NAALADL2: variants seen among roughly 807,000 people sequenced by gnomAD.
NAALADL2 encodes inactive N-acetylated-alpha-linked acidic dipeptidase-like protein 2.
NAALADL2 carries 76 observed loss-of-function variants against 87.2 expected under a neutral mutation model. That is an observed-to-expected ratio of 0.87 (90% CI 0.72 to 1.05). The LOEUF (loss-of-function observed/expected upper bound fraction) is 1.05. Ranked by LOEUF, NAALADL2 falls within the 50% of genes least tolerant of loss-of-function variation. NAALADL2 has a pLI of 0.00. For synonymous variants in NAALADL2, 354 were observed against 331.0 expected (o/e 1.07, Z -0.75); for missense variants, 1,089 against 945.8 (o/e 1.15, Z -1.99).
At chr3:175,482,648 T>C (rs1726656325) in intron 9 of NAALADL2, among the ~76,000 whole-genome samples, 1 of 151,948 alleles carries the variant, frequency 6.6e-6, no homozygotes, top group South Asian at 2.1e-4. Flanking sequence ...TCATTAAAAG[T>C]AGTTAATTCA....
intron 1 of NAALADL2, among the ~76,000 whole-genome samples, chr3:175,023,447 G>C (rs1391072207): frequency 6.6e-6 from 1 of 151,818 alleles, no homozygotes; most frequent in Non-Finnish European, 1.5e-5. Context: ...TTATTTTTTC[G>C]ATTGAGAAAC....
At chr3:175,449,168 C>A (rs550476850) in intron 6 of NAALADL2, among the ~76,000 whole-genome samples, 86 of 152,034 alleles carry the variant, frequency 5.7e-4, no homozygotes, top group Non-Finnish European at 1.0e-3. Context: ...AGCCTCAAAC[C>A]CCTGGGCTCA....
intron 2 of NAALADL2, among the ~76,000 whole-genome samples, chr3:174,734,095 G>A (rs1041548735): frequency 1.6e-4 from 25 of 152,056 alleles, no homozygotes; most frequent in African/African-American, 6.0e-4. Flanking sequence ...CGGTGTTGAG[G>A]GGGAGCAGAA....
intron 13 of NAALADL2, among the ~76,000 whole-genome samples, chr3:175,762,107 G>C (rs1247828643): frequency 2.0e-5 from 3 of 150,538 alleles, no homozygotes; most frequent in Admixed American, 2.0e-4. Context: ...TTATCTTCTA[G>C]AAGTTTTATA....
chr3:174,754,144 G>A (rs963661410), intron 3 of NAALADL2, among the ~76,000 whole-genome samples: 11 of 152,100 alleles, frequency 7.2e-5, no homozygotes, highest in South Asian at 2.1e-4. Context: ...TAACTGTTAC[G>A]TCTTTTTTAA....
intron 1 of NAALADL2, among the ~76,000 whole-genome samples, chr3:175,003,666 T>C (rs994931715): frequency 2.6e-5 from 4 of 152,178 alleles, no homozygotes; most frequent in Non-Finnish European, 5.9e-5. Flanking sequence ...AGTCCTTCAG[T>C]AAACTGGAAG....
At chr3:175,049,694 C>T (rs1213454293) in intron 1 of NAALADL2, among the ~76,000 whole-genome samples, 2 of 152,098 alleles carry the variant, frequency 1.3e-5, no homozygotes, top group African/African-American at 4.8e-5. Flanking sequence ...GGGGATTGAT[C>T]CCTAGCTGAC....
intron 1 of NAALADL2, among the ~76,000 whole-genome samples, chr3:174,502,086 A>G (rs1339765200): frequency 6.6e-6 from 1 of 152,180 alleles, no homozygotes; most frequent in Non-Finnish European, 1.5e-5. Context: ...AAAATAGAGA[A>G]GCTTAAGTGA....
At position 175,449,825 on chromosome 3, in the gene NAALADL2, C is replaced by A. The variant is rs936752908; in HGVS notation, c.1234+2453C>A. 3.3e-5 allele frequency among the ~76,000 whole-genome samples: 5 copies of A among 152,130 alleles called. No individual in the cohort carries two copies. In the South Asian group the frequency reaches 1.0e-3, roughly 31 times the overall value. ...GTTGAGATATACACCCATGTTAAAGCAAGAAAGATAGGCCTACTTTCTAAG... is the reference window on the plus strand; with the variant it reads ...GTTGAGATATACACCCATGTTAAAGAAAGAAAGATAGGCCTACTTTCTAAG... On this transcript the variant is annotated intron_variant, in intron 6 of 13. Transcript: ENST00000454872.
At chr3:175,573,727 C>G (rs527765497) in intron 9 of NAALADL2, among the ~76,000 whole-genome samples, 2 of 152,234 alleles carry the variant, frequency 1.3e-5, no homozygotes, top group South Asian at 4.1e-4. Context: ...TATAAAATCC[C>G]CAGGAGTCTT....
intron 2 of NAALADL2, among the ~76,000 whole-genome samples, chr3:174,701,259 TATATC>T (rs1203528114): frequency 4.6e-5 from 7 of 151,396 alleles, no homozygotes; most frequent in African/African-American, 1.7e-4. Flanking sequence ...TTATAATTAT[TATATC>T]AAATTATATC....
chr3:174,975,710 C>T (rs899938083), intron 1 of NAALADL2, among the ~76,000 whole-genome samples: 2 of 152,096 alleles, frequency 1.3e-5, no homozygotes, highest in East Asian at 1.9e-4. Flanking sequence ...TGGAAGAACA[C>T]GTTCAACCAT....
intron 1 of NAALADL2, among the ~76,000 whole-genome samples, chr3:174,458,899 C>A (rs1189862452): frequency 6.6e-6 from 1 of 152,044 alleles, no homozygotes; most frequent in Non-Finnish European, 1.5e-5. Context: ...AATATTTTTT[C>A]TTCAAGCCTC....
At chr3:175,081,786 G>GT (rs1245538951) in intron 1 of NAALADL2, among the ~76,000 whole-genome samples, 1 of 152,054 alleles carries the variant, frequency 6.6e-6, no homozygotes, top group African/African-American at 2.4e-5. Context: ...CATATAGTTA[G>GT]TTTTTTCTTA....
At chr3:174,972,819 C>T (rs2108614604) in intron 1 of NAALADL2, among the ~76,000 whole-genome samples, 1 of 151,840 alleles carries the variant, frequency 6.6e-6, no homozygotes, top group African/African-American at 2.4e-5. Flanking sequence ...ATGGAGAAAC[C>T]CTGTCTCTAC....
chr3:175,530,704 T>C (rs1012811993), intron 9 of NAALADL2, among the ~76,000 whole-genome samples: 5 of 152,160 alleles, frequency 3.3e-5, no homozygotes, highest in African/African-American at 4.8e-5. Flanking sequence ...CATGGGCATT[T>C]GAGCCACTTT....
At chr3:175,454,887 TC>T (rs1722097908) in intron 6 of NAALADL2, among the ~76,000 whole-genome samples, 1 of 151,238 alleles carries the variant, frequency 6.6e-6, no homozygotes, top group African/African-American at 2.4e-5. Context: ...CAGGTTTGCA[TC>T]AAGAAAAAAA....
chr3:174,689,803 T>C (rs758573633), intron 2 of NAALADL2, among the ~76,000 whole-genome samples: 45 of 152,116 alleles, frequency 3.0e-4, no homozygotes, highest in Non-Finnish European at 1.0e-4. Flanking sequence ...GTCAGGAAAA[T>C]ACAGTTTAGG....
intron 8 of NAALADL2, 136 bp from the exon 9 acceptor site, chr3:175,471,501 GAA>G (rs34306735): frequency 0.6 from 314,040 of 520,468 alleles, 94,203 homozygotes; most frequent in East Asian, 0.63. Context: ...AAGAAAGAAA[GAA>G]AAAAAAAAAG....
Sources: gnomAD v4.1 joint callset for allele counts (sites outside exome capture counted in the v4.1 genomes callset) on GRCh38, gnomAD v4.1.1 for gene constraint, MANE v1.5 for transcripts, NCBI Gene and HGNC (gene_info 2026-07-23, HGNC 2026-07-21) for gene names.